YY1AP1: variants seen among roughly 807,000 people sequenced by gnomAD.
The protein encoded by YY1AP1 is YY1-associated protein 1.
In YY1AP1, 43 loss-of-function variants were observed where a neutral mutation model predicts 39.9. The ratio of observed to expected loss-of-function variants is 1.08; its 90% CI spans 0.84 to 1.39. YY1AP1 has a LOEUF of 1.39. Ranked by LOEUF, YY1AP1 falls within the 40% of genes most tolerant of loss-of-function variation. The pLI is 0.00. For missense variants in YY1AP1, 813 were observed against 900.7 expected (o/e 0.90, Z 1.25); for synonymous variants, 292 against 331.3 (o/e 0.88, Z 1.29).
rs1491211206 is a variant in YY1AP1, at chr1:155,661,515, A to AC, written c.880-93_880-92insG. 814 of 1,570,042 alleles carry AC rather than the reference A, an allele frequency of 5.2e-4. 1 individual carries two copies. The African/African-American group carries it at 5.6e-3, about 11-fold the overall frequency. ...GAATGGGGTGGTGGTGGATCAAGAGAAACACACACACACACACACACACAC... is the reference window on the plus strand; with the variant it reads ...GAATGGGGTGGTGGTGGATCAAGAGACAACACACACACACACACACACACAC... On this transcript the variant is annotated intron_variant, in intron 9 of 10. Transcript: ENST00000355499.
At position 155,688,259 on chromosome 1, in the gene YY1AP1, G is replaced by A. The variant is rs751314743; in HGVS notation, c.-151-58C>T. 14 of 1,603,636 alleles carry A rather than the reference G, an allele frequency of 8.7e-6. No individual in the cohort carries two copies. The highest frequency in any genetic ancestry group is 3.5e-5 in the Admixed American group (2 of 57,630). On this transcript the variant is annotated intron_variant, in intron 1 of 10. Coordinates refer to ENST00000355499, the MANE Select transcript of YY1AP1 (RefSeq NM_139119.3). ...GTGGAGGGCTAAAGGGGCAAACTGA[G>A]AGGAGGCGGATCCCGCAACCGACAC...
chr1:155,661,035 A>C, intron 10 of YY1AP1, 122 bp from the exon 11 acceptor site: 3 of 1,529,670 alleles, frequency 2.0e-6, no homozygotes, highest in African/African-American at 2.8e-5. Flanking sequence ...TCTGCATATG[A>C]AATTTCTACA....
Position 155,661,369 on chromosome 1 carries a change from G to C in YY1AP1, c.934C>G (p.Gln312Glu), listed in dbSNP as rs770958104. 5 of 1,613,720 alleles carry C rather than the reference G, an allele frequency of 3.1e-6. No individual in the cohort carries two copies. In the East Asian group the frequency reaches 8.9e-5, roughly 29 times the overall value. ...PVLGKCCEEI[Q>E]PHQWKPPIER... ...ATAGGTGGCTTCCACTGATGTGGCT[G>C]GATCTCTTCACAGCATTTTCCTAGG... is the stretch of plus-strand genomic sequence containing the variant. The change falls in exon 10 of 11, where the codon CAG becomes GAG. Residue 312 changes from glutamine (Q) to glutamate (E), a missense_variant. By Grantham distance (29) the Gln-to-Glu change is conservative. This residue lies in a region of YY1AP1 where 586 missense variants were observed against 647.4 expected (regional missense o/e 0.91). Transcript: ENST00000355499.
intron 7 of YY1AP1, among the ~76,000 whole-genome samples, chr1:155,671,690 A>C (rs974220481): frequency 6.6e-6 from 1 of 152,144 alleles, no homozygotes. Flanking sequence ...TTCTCCTTCC[A>C]TAAGTGTCAT....
At chr1:155,683,018 G>A (rs919485875) in intron 2 of YY1AP1, among the ~76,000 whole-genome samples, 3 of 151,026 alleles carry the variant, frequency 2.0e-5, no homozygotes, top group South Asian at 2.1e-4. Context: ...CCCGGGAGTC[G>A]GAGGTTGCAG....
At chr1:155,662,986 C>G (rs1648397327) in intron 9 of YY1AP1, among the ~76,000 whole-genome samples, 1 of 151,358 alleles carries the variant, frequency 6.6e-6, no homozygotes, top group South Asian at 2.1e-4. Context: ...GCCTGGGCAA[C>G]AGAGCAAGAC....
intron 7 of YY1AP1, among the ~76,000 whole-genome samples, chr1:155,671,773 G>A (rs1042954968): frequency 6.6e-6 from 1 of 151,968 alleles, no homozygotes; most frequent in African/African-American, 2.4e-5. Context: ...ATTAAATCAC[G>A]TTTTCATTAC....
chr1:155,667,771 A>G (rs1649229606), intron 9 of YY1AP1, among the ~76,000 whole-genome samples: 2 of 152,036 alleles, frequency 1.3e-5, no homozygotes, highest in South Asian at 4.1e-4. Flanking sequence ...GCAGTCAGCC[A>G]AGATCGCACC....
Position 155,688,753 on chromosome 1 carries a change from G to C in YY1AP1, c.-246C>G. The stretch of plus-strand genomic sequence containing the variant: ...GCCACCAACCGCCGCCAAAGCAGCC[G>C]CCGCCAGCACCCCCACCCTACACTC... On this transcript the variant is annotated 5_prime_UTR_variant, in exon 1 of 11. Coordinates refer to ENST00000355499, the MANE Select transcript of YY1AP1 (RefSeq NM_139119.3). 1 of 1,497,208 alleles carries C rather than the reference G, an allele frequency of 6.7e-7. No homozygotes were observed. The highest frequency in any genetic ancestry group is 2.6e-5 in the East Asian group (1 of 38,980). 92.7% of individuals were successfully genotyped at this position (1,497,208 alleles called of 1,614,324 possible).
intron 1 of YY1AP1, 168 bp downstream of exon 1, chr1:155,688,491 T>G: frequency 6.5e-7 from 1 of 1,548,976 alleles, no homozygotes; most frequent in Non-Finnish European, 8.7e-7. Context: ...CCCGCACGCG[T>G]ACGAGTGTCT....
chr1:155,673,889 C>T (rs1465854282), intron 6 of YY1AP1, among the ~76,000 whole-genome samples: 4 of 151,898 alleles, frequency 2.6e-5, no homozygotes, highest in Admixed American at 6.6e-5. Flanking sequence ...AGGCCGGGCG[C>T]GGTGGCTCAC....
At position 155,686,026 on chromosome 1, in the gene YY1AP1, CTTTTTTTTTTTTTT is replaced by C. The variant is rs768966023; in HGVS notation, c.-21+2031_-21+2044del. On this transcript the variant is annotated intron_variant, in intron 2 of 10. Coordinates refer to ENST00000355499, the MANE Select transcript of YY1AP1 (RefSeq NM_139119.3). ...GGGATCCTTACTACATGAAATCAGT[CTTTTTTTTTTTTTT>C]TTTTTTTTTTTTGGAGATGGAGTCT... Among the ~76,000 whole-genome samples, 26 of 76,346 alleles carry C rather than the reference CTTTTTTTTTTTTTT, an allele frequency of 3.4e-4. 1 individual carries two copies. The highest frequency in any genetic ancestry group is 2.7e-3 in the East Asian group (5 of 1,874). 50.1% of individuals were successfully genotyped at this position (76,346 alleles called of 152,430 possible).
intron 2 of YY1AP1, among the ~76,000 whole-genome samples, chr1:155,683,459 GC>G (rs780301409): frequency 4.6e-5 from 7 of 151,904 alleles, no homozygotes; most frequent in Admixed American, 1.3e-4. Flanking sequence ...GAACAGCTTG[GC>G]TACTGGCTAA....
intron 8 of YY1AP1, among the ~76,000 whole-genome samples, chr1:155,669,017 A>G (rs1323349043): frequency 6.6e-6 from 1 of 151,942 alleles, no homozygotes; most frequent in Non-Finnish European, 1.5e-5. Context: ...GCATGAGCCC[A>G]TGGCGTGTGG....
rs763496404 is a variant in YY1AP1, at chr1:155,661,333, C to G, written c.970G>C (p.Glu324Gln). 6.8e-6 allele frequency: 11 copies of G among 1,613,832 alleles called. No individual in the cohort carries two copies. The highest frequency in any genetic ancestry group is 9.3e-6 in the Non-Finnish European group (11 of 1,179,814). ...HQWKPPIERE[E>Q]HRLPFWLKAS... The stretch of plus-strand genomic sequence containing the variant: ...TTTAACCAGAATGGGAGCCGGTGTT[C>G]TTCTCTCTCTATAGGTGGCTTCCAC... The change falls in exon 10 of 11, where the codon GAA (glutamate) becomes CAA (glutamine). Residue 324 changes from glutamate to glutamine, a missense_variant. Physicochemically the swap from Glu to Gln is conservative, Grantham distance 29 (BLOSUM62 2). This residue lies in a region of YY1AP1 where 586 missense variants were observed against 647.4 expected (regional missense o/e 0.91). Transcript: ENST00000355499.
At chr1:155,664,340 T>G (rs769380180) in intron 9 of YY1AP1, among the ~76,000 whole-genome samples, 4 of 152,224 alleles carry the variant, frequency 2.6e-5, no homozygotes, top group African/African-American at 9.6e-5. Flanking sequence ...AGGTCCCATG[T>G]ACCCTTCAAC....
chr1:155,685,654 T>G (rs1462944710), intron 2 of YY1AP1, among the ~76,000 whole-genome samples: 1 of 152,168 alleles, frequency 6.6e-6, no homozygotes, highest in Admixed American at 6.5e-5. Context: ...TGTCAACATG[T>G]TCAAATACTA....
intron 7 of YY1AP1, 175 bp downstream of exon 7, chr1:155,672,385 A>G (rs1159487969): frequency 3.6e-6 from 3 of 838,772 alleles, no homozygotes; most frequent in Non-Finnish European, 5.9e-6. Context: ...TTATCATGTA[A>G]TTCTAGAACT....
chr1:155,688,661 T>C lies in YY1AP1; in HGVS notation c.-154A>G. 7.8e-6 allele frequency: 12 copies of C among 1,533,116 alleles called. No individual in the cohort carries two copies. Among genetic ancestry groups the C allele is most frequent in the African/African-American group, 1.4e-5 (1 of 72,972 alleles). 95.0% of individuals were successfully genotyped at this position (1,533,116 alleles called of 1,614,324 possible). A position where few individuals can be genotyped will look rare whatever the true frequency, so the allele number is the denominator to read the frequency against. ...CCAGCGCAGGCCCTCACGCGTACCTTCAGCGGCGCGAGCCCAAGCCTTCTC... is the reference window on the plus strand; with the variant it reads ...CCAGCGCAGGCCCTCACGCGTACCTCCAGCGGCGCGAGCCCAAGCCTTCTC... On this transcript the variant is annotated splice_region_variant and 5_prime_UTR_variant, in exon 1 of 11. Coordinates refer to ENST00000355499, the MANE Select transcript of YY1AP1 (RefSeq NM_139119.3).
Sources: gnomAD v4.1 joint callset for allele counts (sites outside exome capture counted in the v4.1 genomes callset) on GRCh38, gnomAD v4.1.1 for gene constraint, gnomAD v4.1.1 regional missense constraint, MANE v1.5 for transcripts, NCBI Gene and HGNC (gene_info 2026-07-23, HGNC 2026-07-21) for gene names.